Variants in EHHADH observed in about 807,000 individuals in gnomAD.
EHHADH encodes enoyl-CoA hydratase and 3-hydroxyacyl CoA dehydrogenase.
In EHHADH, 48 loss-of-function variants were observed where a neutral mutation model predicts 64.4. The ratio of observed to expected loss-of-function variants is 0.75; its 90% CI spans 0.59 to 0.95. The LOEUF (loss-of-function observed/expected upper bound fraction) is 0.95. Ranked by LOEUF, EHHADH falls within the 40% of genes least tolerant of loss-of-function variation. The probability of loss-of-function intolerance (pLI) is 0.00; values close to 1 mark genes in which losing one functional copy is unlikely to be tolerated. For missense variants in EHHADH, 854 were observed against 876.6 expected (o/e 0.97, Z 0.33); for synonymous variants, 308 against 326.7 (o/e 0.94, Z 0.62).
chr3:185,194,800 C>CAAGAAAAAAAAAAAAA (rs1718012962), intron 6 of EHHADH, among the ~76,000 whole-genome samples: 1 of 29,302 alleles, frequency 3.4e-5, no homozygotes, highest in Non-Finnish European at 6.3e-5. Flanking sequence ...GACCCTGTCT[C>CAAGAAAAAAAAAAAAA]AAAAAAAAAA....
chr3:185,202,029 T>C (rs1422968254), intron 6 of EHHADH, among the ~76,000 whole-genome samples: 3 of 152,214 alleles, frequency 2.0e-5, no homozygotes, highest in African/African-American at 7.2e-5. Context: ...ACTCTACTTA[T>C]CCATCTTCTT....
chr3:185,244,168 T>C (rs1340451381), intron 2 of EHHADH, among the ~76,000 whole-genome samples: 3 of 152,246 alleles, frequency 2.0e-5, no homozygotes, highest in Non-Finnish European at 4.4e-5. Context: ...ATATAGCTAC[T>C]ACTGCTCATT....
intron 1 of EHHADH, among the ~76,000 whole-genome samples, chr3:185,249,287 T>C (rs1162391807): frequency 9.2e-5 from 14 of 152,138 alleles, no homozygotes; most frequent in African/African-American, 2.6e-4. Flanking sequence ...CGCCACCACG[T>C]CCGGCTAATT....
At chr3:185,213,644 T>C (rs376108998) in intron 5 of EHHADH, among the ~76,000 whole-genome samples, 1 of 151,012 alleles carries the variant, frequency 6.6e-6, no homozygotes, top group Non-Finnish European at 1.5e-5. Context: ...CTTTGGGAGG[T>C]AGAGGCGGGT....
At chr3:185,203,938 G>A (rs1367468565) in intron 6 of EHHADH, among the ~76,000 whole-genome samples, 1 of 151,918 alleles carries the variant, frequency 6.6e-6, no homozygotes, top group Non-Finnish European at 1.5e-5. Context: ...CCAGGAGTTC[G>A]AGACCAGCCT....
At chr3:185,251,501 G>A (rs553578024) in intron 1 of EHHADH, among the ~76,000 whole-genome samples, 26 of 152,294 alleles carry the variant, frequency 1.7e-4, no homozygotes, top group African/African-American at 6.3e-4. Flanking sequence ...AATCAGGCAT[G>A]TCCTATACTT....
At chr3:185,213,452 T>C (rs1292016917) in intron 5 of EHHADH, among the ~76,000 whole-genome samples, 1 of 152,202 alleles carries the variant, frequency 6.6e-6, no homozygotes, top group Non-Finnish European at 1.5e-5. Flanking sequence ...TTGCTCTAGC[T>C]TTCCATAACT....
Position 185,227,270 on chromosome 3 carries a change from C to T in EHHADH, c.463+2162G>A, listed in dbSNP as rs548904826. On this transcript the variant is annotated intron_variant, in intron 4 of 6. Transcript: ENST00000231887. ...ATACCTGGCTGGGCGCAGCAGCTCA[C>T]GCCTGTAATCCCAGCACTTTGGGGG... Among the ~76,000 whole-genome samples the T allele has an allele frequency of 5.3e-5, 8 of 152,352 alleles. No homozygotes were observed. In the East Asian group the frequency reaches 5.8e-4, roughly 11 times the overall value.
At chr3:185,250,490 CT>C (rs199878542) in intron 1 of EHHADH, among the ~76,000 whole-genome samples, 1,117 of 81,226 alleles carry the variant, frequency 0.014, 17 homozygotes, top group African/African-American at 0.032. Flanking sequence ...TGGTGAGGAA[CT>C]GCTTAAAAGG....
intron 6 of EHHADH, among the ~76,000 whole-genome samples, chr3:185,198,593 A>C (rs1365992359): frequency 5.9e-5 from 9 of 151,562 alleles, no homozygotes; most frequent in African/African-American, 2.2e-4. Context: ...TCATGCCTGT[A>C]ATCCCAGCAC....
chr3:185,217,453 A>G (rs1422228660), intron 5 of EHHADH, among the ~76,000 whole-genome samples: 2 of 150,826 alleles, frequency 1.3e-5, no homozygotes, highest in Non-Finnish European at 1.5e-5. Context: ...TGCTGAGGCA[A>G]GAGAATCACT....
At chr3:185,203,601 T>C (rs1174109901) in intron 6 of EHHADH, among the ~76,000 whole-genome samples, 1 of 152,138 alleles carries the variant, frequency 6.6e-6, no homozygotes, top group Non-Finnish European at 1.5e-5. Flanking sequence ...GGAAGGAAGA[T>C]ATTTTGTTTG....
chr3:185,230,125 C>A (rs1719112803), intron 3 of EHHADH, among the ~76,000 whole-genome samples: 1 of 152,168 alleles, frequency 6.6e-6, no homozygotes, highest in African/African-American at 2.4e-5. Context: ...CAAGGTAACA[C>A]TTTATACCCA....
intron 5 of EHHADH, among the ~76,000 whole-genome samples, chr3:185,211,883 G>A (rs1718549015): frequency 6.6e-6 from 1 of 152,182 alleles, no homozygotes; most frequent in African/African-American, 2.4e-5. Flanking sequence ...AGAACAAATA[G>A]ACCAAGGTCT....
intron 4 of EHHADH, among the ~76,000 whole-genome samples, 194 bp downstream of exon 4, chr3:185,229,238 T>C (rs1425182525): frequency 6.6e-6 from 1 of 152,234 alleles, no homozygotes; most frequent in Non-Finnish European, 1.5e-5. Flanking sequence ...CTCTCACATT[T>C]GATCTTCACG....
intron 3 of EHHADH, 82 bp downstream of exon 3, chr3:185,235,208 G>T: frequency 7.7e-7 from 1 of 1,302,150 alleles, no homozygotes; most frequent in Non-Finnish European, 1.0e-6. Context: ...AATAATCACC[G>T]CTGATACTTA....
At position 185,235,373 on chromosome 3, in the gene EHHADH, C is replaced by T. The variant is rs56292788; in HGVS notation, c.268G>A (p.Val90Met). ...VDEIQRNEKP[V>M]VAAIQGMAFG... is the part of the protein sequence containing the mutation. ...GCCATGCCTTGGATTGCTGCCACCA[C>T]GGGCTTCTCATTTCTCTGTATTTCA... is the stretch of plus-strand genomic sequence containing the variant. The change falls in exon 3 of 7, where the codon GTG becomes ATG. Residue 90 changes from valine (V) to methionine (M), a missense_variant. By Grantham distance (21) the Val-to-Met change is conservative. Coordinates refer to ENST00000231887, the MANE Select transcript of EHHADH (RefSeq NM_001966.4). The T allele has an allele frequency of 2.7e-4, 434 of 1,613,940 alleles. 3 individuals carry two copies. In the East Asian group the frequency reaches 4.5e-3, roughly 17 times the overall value.
chr3:185,205,930 T>C (rs1057263659), intron 5 of EHHADH, among the ~76,000 whole-genome samples: 15 of 151,740 alleles, frequency 9.9e-5, no homozygotes, highest in Admixed American at 3.9e-4. Flanking sequence ...ATAGGGAGAT[T>C]GAGCAACACA....
intron 5 of EHHADH, among the ~76,000 whole-genome samples, chr3:185,207,760 G>A (rs1289781287): frequency 6.6e-6 from 1 of 152,198 alleles, no homozygotes; most frequent in Non-Finnish European, 1.5e-5. Flanking sequence ...AATTTCGGAT[G>A]ATTTAAACTG....
Sources: allele counts gnomAD v4.1 joint callset (sites outside exome capture counted in the v4.1 genomes callset), GRCh38; gene constraint gnomAD v4.1.1; transcripts MANE v1.5; gene names NCBI Gene and HGNC (gene_info 2026-07-23, HGNC 2026-07-21).